The following HDAC9 variants were observed in gnomAD, a reference collection of about 807,000 sequenced individuals.
HDAC9 encodes MEF-2 interacting transcription repressor (MITR) protein.
Under a neutral mutation model 139.4 loss-of-function variants are expected in HDAC9, and 41 were observed. That is an observed-to-expected ratio of 0.29 (90% CI 0.23 to 0.38). HDAC9 has a LOEUF of 0.38. HDAC9 is among the 10% of genes least tolerant of loss of function. The probability of loss-of-function intolerance (pLI) is 1.00; values close to 1 mark genes in which losing one functional copy is unlikely to be tolerated. For synonymous variants in HDAC9, 517 were observed against 476.2 expected (o/e 1.09, Z -1.12); for missense variants, 1,147 against 1,297.0 (o/e 0.88, Z 1.78).
At chr7:18,916,328 A>C (rs1019233781) in intron 22 of HDAC9, among the ~76,000 whole-genome samples, 1 of 152,048 alleles carries the variant, frequency 6.6e-6, no homozygotes, top group Non-Finnish European at 1.5e-5. Flanking sequence ...TCATAAATGC[A>C]AGGGGACTTT....
intron 1 of HDAC9, among the ~76,000 whole-genome samples, chr7:18,461,416 A>C (rs1367696441): frequency 1.3e-5 from 2 of 152,210 alleles, no homozygotes; most frequent in Non-Finnish European, 2.9e-5. Flanking sequence ...TATTTTGCTT[A>C]CAATTTTTTT....
intron 1 of HDAC9, among the ~76,000 whole-genome samples, chr7:18,348,500 A>G (rs1782595455): frequency 6.6e-6 from 1 of 152,166 alleles, no homozygotes; most frequent in South Asian, 2.1e-4. Flanking sequence ...TCTGAAAAAT[A>G]CCACTGTTTT....
intron 12 of HDAC9, among the ~76,000 whole-genome samples, chr7:18,711,048 G>T (rs570456896): frequency 6.6e-6 from 1 of 152,242 alleles, no homozygotes; most frequent in African/African-American, 2.4e-5. Context: ...AGTATGTCTG[G>T]ATGCCTAGAA....
chr7:18,891,056 T>A (rs530173329), intron 22 of HDAC9, among the ~76,000 whole-genome samples: 1 of 152,348 alleles, frequency 6.6e-6, no homozygotes, highest in Non-Finnish European at 1.5e-5. Context: ...CATTTAGAAT[T>A]GCTTATCTCA....
chr7:18,900,287 A>G (rs1801579862), intron 22 of HDAC9, among the ~76,000 whole-genome samples: 1 of 152,174 alleles, frequency 6.6e-6, no homozygotes, highest in South Asian at 2.1e-4. Flanking sequence ...ATGTCTCATT[A>G]GGACTGGGAA....
intron 2 of HDAC9, among the ~76,000 whole-genome samples, chr7:18,565,625 G>T (rs1374635817): frequency 1.3e-5 from 2 of 151,850 alleles, no homozygotes; most frequent in Non-Finnish European, 2.9e-5. Flanking sequence ...ACAGTGTAGG[G>T]TACTTCTGTA....
At chr7:18,694,825 T>C (rs1047032177) in intron 12 of HDAC9, among the ~76,000 whole-genome samples, 7 of 152,162 alleles carry the variant, frequency 4.6e-5, no homozygotes, top group African/African-American at 1.7e-4. Flanking sequence ...TGGAACTTTT[T>C]CTTCAAAGGG....
At chr7:18,623,599 A>T (rs1840817391) in intron 6 of HDAC9, among the ~76,000 whole-genome samples, 1 of 152,150 alleles carries the variant, frequency 6.6e-6, no homozygotes, top group African/African-American at 2.4e-5. Flanking sequence ...TGATAAAATG[A>T]TTCACAGAGA....
chr7:18,415,569 A>G (rs539849880), intron 1 of HDAC9, among the ~76,000 whole-genome samples: 6 of 152,322 alleles, frequency 3.9e-5, no homozygotes, highest in African/African-American at 1.4e-4. Flanking sequence ...TTTTCTCATG[A>G]TAATAATGAG....
In HDAC9 at chr7:18,797,627, A is replaced by C. The variant is rs1443190937; in HGVS notation, c.2322+4175A>C. 3.3e-5 allele frequency among the ~76,000 whole-genome samples: 5 copies of C among 152,212 alleles called. No individual in the cohort carries two copies. The East Asian group carries it at 9.7e-4, about 29-fold the overall frequency. On this transcript the variant is annotated intron_variant, in intron 17 of 25. Coordinates refer to ENST00000686413, the MANE Select transcript of HDAC9 (RefSeq NM_178425.4). ...TGGATGACTTGAGGTCTGGTGTTCAAGACCAGCCTGGCCAACGTGGCAAAA... is the reference window on the plus strand; with the variant it reads ...TGGATGACTTGAGGTCTGGTGTTCACGACCAGCCTGGCCAACGTGGCAAAA...
At chr7:18,308,948 G>C (rs895029687) in intron 1 of HDAC9, among the ~76,000 whole-genome samples, 1 of 152,122 alleles carries the variant, frequency 6.6e-6, no homozygotes, top group African/African-American at 2.4e-5. Flanking sequence ...GAAACACCAG[G>C]GAACCTGAAC....
At chr7:18,436,785 C>T (rs1708852200) in intron 1 of HDAC9, among the ~76,000 whole-genome samples, 1 of 151,992 alleles carries the variant, frequency 6.6e-6, no homozygotes, top group Non-Finnish European at 1.5e-5. Flanking sequence ...GATGGTGGTT[C>T]AGCATTGTTT....
At chr7:18,786,535 C>T (rs1460488408) in intron 16 of HDAC9, among the ~76,000 whole-genome samples, 5 of 115,154 alleles carry the variant, frequency 4.3e-5, no homozygotes, top group Admixed American at 2.5e-4. Context: ...TGCTCACATA[C>T]ACTTCCTGTG....
In HDAC9 at chr7:18,709,593, T is replaced by C. The variant is rs140105775; in HGVS notation, c.1732-17987T>C. 3.9e-5 allele frequency among the ~76,000 whole-genome samples: 6 copies of C among 152,344 alleles called. No homozygotes were observed. The East Asian group carries it at 9.6e-4, about 24-fold the overall frequency. ...TGAAACCCCAAATATTATAGCTTAA[T>C]TCACTTATTCAACAAAGATTGATTG... is the stretch of plus-strand genomic sequence containing the variant. On this transcript the variant is annotated intron_variant, in intron 12 of 25. Coordinates refer to ENST00000686413, the MANE Select transcript of HDAC9 (RefSeq NM_178425.4).
chr7:18,871,397 A>G (rs539663479), intron 21 of HDAC9, among the ~76,000 whole-genome samples: 40 of 152,310 alleles, frequency 2.6e-4, no homozygotes, highest in African/African-American at 9.1e-4. Context: ...TTGATATGAG[A>G]AAGCAAGATC....
At chr7:18,768,816 G>C (rs528016201) in intron 16 of HDAC9, among the ~76,000 whole-genome samples, 1 of 152,098 alleles carries the variant, frequency 6.6e-6, no homozygotes, top group African/African-American at 2.4e-5. Flanking sequence ...TTTTATGATG[G>C]TGCAAAAGTG....
intron 21 of HDAC9, among the ~76,000 whole-genome samples, chr7:18,852,618 AC>A (rs1797385412): frequency 6.6e-6 from 1 of 152,286 alleles, no homozygotes; most frequent in Admixed American, 6.5e-5. Flanking sequence ...TAGTCCTAAC[AC>A]CTTGTATTGC....
chr7:18,706,013 T>C (rs1386329186), intron 12 of HDAC9, among the ~76,000 whole-genome samples: 2 of 152,024 alleles, frequency 1.3e-5, no homozygotes, highest in Non-Finnish European at 2.9e-5. Context: ...ATTTGTGTCC[T>C]AGGAGACCTA....
intron 1 of HDAC9, among the ~76,000 whole-genome samples, chr7:18,312,986 T>G (rs1799412740): frequency 6.6e-6 from 1 of 152,118 alleles, no homozygotes; most frequent in Admixed American, 6.6e-5. Context: ...ACTTTTCAGA[T>G]TTGTCTTCCT....
Sources: gnomAD v4.1 joint callset for allele counts (sites outside exome capture counted in the v4.1 genomes callset) on GRCh38, gnomAD v4.1.1 for gene constraint, MANE v1.5 for transcripts, NCBI Gene and HGNC (gene_info 2026-07-23, HGNC 2026-07-21) for gene names.